MB21D2: variants seen among roughly 807,000 people sequenced by gnomAD.
MB21D2 encodes Mab-21 domain containing 2, also known as nucleotidyltransferase MB21D2.
A neutral mutation model predicts 33.3 loss-of-function variants in MB21D2; 9 were observed. That is an observed-to-expected ratio of 0.27 (90% CI 0.16 to 0.47). MB21D2 has a LOEUF of 0.47. MB21D2 is among the 20% of genes least tolerant of loss of function. MB21D2 has a pLI of 0.99. For missense variants in MB21D2, 540 were observed against 624.6 expected, an observed-to-expected ratio of 0.86 and a Z score of 1.44; for synonymous variants, 241 against 236.3, an observed-to-expected ratio of 1.02 and a Z score of -0.18.
At chr3:192,869,929 C>T (rs1713254314) in intron 1 of MB21D2, among the ~76,000 whole-genome samples, 1 of 152,160 alleles carries the variant, frequency 6.6e-6, no homozygotes, top group African/African-American at 2.4e-5. Flanking sequence ...TATATTACAG[C>T]CATGCAGAGC....
chr3:192,855,260 G>A (rs1712892221), intron 1 of MB21D2, among the ~76,000 whole-genome samples: 1 of 152,024 alleles, frequency 6.6e-6, no homozygotes, highest in Non-Finnish European at 1.5e-5. Flanking sequence ...CACCGCGCCT[G>A]GCTAATTTTT....
At chr3:192,891,605 T>C (rs1408489239) in intron 1 of MB21D2, among the ~76,000 whole-genome samples, 2 of 152,164 alleles carry the variant, frequency 1.3e-5, no homozygotes, top group African/African-American at 2.4e-5. Flanking sequence ...TAGATGACAC[T>C]GTTTAACATG....
chr3:192,853,028 G>GTCTCTCTCTC (rs10541418), intron 1 of MB21D2, among the ~76,000 whole-genome samples: 29 of 148,470 alleles, frequency 2.0e-4, no homozygotes, highest in African/African-American at 5.5e-4. Context: ...ATCTCTCTCT[G>GTCTCTCTCTC]TCTCTCTCTC....
chr3:192,900,761 T>G (rs1239144575), intron 1 of MB21D2, among the ~76,000 whole-genome samples: 1 of 151,820 alleles, frequency 6.6e-6, no homozygotes, highest in Non-Finnish European at 1.5e-5. Context: ...GCCAACATGG[T>G]GAAACCCTGT....
intron 1 of MB21D2, among the ~76,000 whole-genome samples, chr3:192,882,513 C>A (rs374508231): frequency 6.6e-6 from 1 of 152,144 alleles, no homozygotes; most frequent in East Asian, 1.9e-4. Context: ...CAATGCCATA[C>A]TGGTGTACTG....
intron 1 of MB21D2, among the ~76,000 whole-genome samples, chr3:192,875,918 A>G (rs762388395): frequency 1.3e-5 from 2 of 152,218 alleles, no homozygotes; most frequent in African/African-American, 4.8e-5. Flanking sequence ...CTAAACCAAC[A>G]ATAGAAGTGG....
At chr3:192,818,771 G>GT (rs550344697) in intron 1 of MB21D2, among the ~76,000 whole-genome samples, 166 of 151,988 alleles carry the variant, frequency 1.1e-3, no homozygotes, top group African/African-American at 3.7e-3. Flanking sequence ...AGTCATGCTG[G>GT]TTTTTTTAAT....
chr3:192,825,478 TAAAAAG>T, intron 1 of MB21D2, among the ~76,000 whole-genome samples: 1 of 147,920 alleles, frequency 6.8e-6, no homozygotes, highest in Admixed American at 6.6e-5. Flanking sequence ...GCCCATGAAA[TAAAAAG>T]AAAAAAATCA....
At chr3:192,908,393 TTTC>T (rs1212036656) in intron 1 of MB21D2, among the ~76,000 whole-genome samples, 23 of 147,896 alleles carry the variant, frequency 1.6e-4, no homozygotes, top group East Asian at 1.2e-3. Context: ...AAAGGTAAAT[TTTC>T]TTCTTTTTTT....
intron 1 of MB21D2, among the ~76,000 whole-genome samples, chr3:192,908,527 T>G (rs1714261249): frequency 6.6e-6 from 1 of 151,622 alleles, no homozygotes; most frequent in Non-Finnish European, 1.5e-5. Context: ...GCCTCCCAAG[T>G]AGCTGAGACT....
Position 192,841,522 on chromosome 3 carries a change from TGAA to T in MB21D2, c.212-41875_212-41873del, listed in dbSNP as rs778087170. On this transcript the variant is annotated intron_variant, in intron 1 of 1. Coordinates refer to ENST00000392452, the MANE Select transcript of MB21D2 (RefSeq NM_178496.4). The stretch of plus-strand genomic sequence containing the variant: ...GAGTAGCGCTATGGGGAGGACAAAG[TGAA>T]GAAGAAGTGAGATCTCCTGCCAAGA... Among the ~76,000 whole-genome samples the T allele has an allele frequency of 2.7e-4, 41 of 152,304 alleles. 1 individual carries two copies. Among genetic ancestry groups the T allele is most frequent in the East Asian group, 1.9e-4 (1 of 5,174 alleles).
At chr3:192,851,302 C>T (rs1261425216) in intron 1 of MB21D2, among the ~76,000 whole-genome samples, 1 of 152,024 alleles carries the variant, frequency 6.6e-6, no homozygotes. Context: ...CCAGAATAGG[C>T]AAATCCATAG....
intron 1 of MB21D2, among the ~76,000 whole-genome samples, chr3:192,912,203 C>G (rs1001152562): frequency 6.6e-6 from 1 of 152,180 alleles, no homozygotes; most frequent in African/African-American, 2.4e-5. Flanking sequence ...GCAAAGGAAA[C>G]AGGGGAGGGG....
chr3:192,849,336 G>T (rs1712742187), intron 1 of MB21D2, among the ~76,000 whole-genome samples: 1 of 137,196 alleles, frequency 7.3e-6, no homozygotes, highest in African/African-American at 2.6e-5. Flanking sequence ...GCGGGGGGTG[G>T]GGGTGGAGTC....
At chr3:192,829,953 C>G (rs886597859) in intron 1 of MB21D2, among the ~76,000 whole-genome samples, 4 of 152,156 alleles carry the variant, frequency 2.6e-5, no homozygotes, top group Non-Finnish European at 5.9e-5. Context: ...GTCTTGAACT[C>G]TTGGGTTCAA....
At chr3:192,819,153 G>C (rs946572662) in intron 1 of MB21D2, among the ~76,000 whole-genome samples, 3 of 152,150 alleles carry the variant, frequency 2.0e-5, no homozygotes, top group Non-Finnish European at 4.4e-5. Context: ...GCCATCCGGG[G>C]GCAAAAGTGA....
chr3:192,808,242 C>T (rs769908117), intron 1 of MB21D2, among the ~76,000 whole-genome samples: 1 of 152,178 alleles, frequency 6.6e-6, no homozygotes, highest in Non-Finnish European at 1.5e-5. Flanking sequence ...TGATATGCTG[C>T]ATGAACAGCT....
At chr3:192,832,000 G>T (rs1712325433) in intron 1 of MB21D2, among the ~76,000 whole-genome samples, 1 of 152,122 alleles carries the variant, frequency 6.6e-6, no homozygotes, top group Non-Finnish European at 1.5e-5. Context: ...TACTCAAAAT[G>T]ACTGCTACAA....
At chr3:192,911,240 GTT>G (rs76218803) in intron 1 of MB21D2, among the ~76,000 whole-genome samples, 1 of 146,056 alleles carries the variant, frequency 6.8e-6, no homozygotes, top group Non-Finnish European at 1.5e-5. Flanking sequence ...GTTCACCACA[GTT>G]TTTTTTTTTT....
Sources: gnomAD v4.1 joint callset for allele counts (sites outside exome capture counted in the v4.1 genomes callset) on GRCh38, gnomAD v4.1.1 for gene constraint, MANE v1.5 for transcripts, NCBI Gene and HGNC (gene_info 2026-07-23, HGNC 2026-07-21) for gene names.